The following ARL8A variants were observed in gnomAD, a reference collection of about 807,000 sequenced individuals.
The protein encoded by ARL8A is ADP-ribosylation factor-like protein 8A.
A neutral mutation model predicts 31.2 loss-of-function variants in ARL8A; 10 were observed. The ratio of observed to expected loss-of-function variants is 0.32; its 90% CI spans 0.20 to 0.54. The LOEUF (loss-of-function observed/expected upper bound fraction) is 0.54, where lower values mean the gene tolerates loss of function less well. Among genes scored for constraint, ARL8A ranks in the 20% least tolerant of loss-of-function variants. ARL8A has a pLI of 0.93. For missense variants in ARL8A, 129 were observed against 242.8 expected, an observed-to-expected ratio of 0.53 and a Z score of 3.12; for synonymous variants, 70 against 86.9, an observed-to-expected ratio of 0.81 and a Z score of 1.08.
In ARL8A at chr1:202,144,544, T is replaced by A; in HGVS notation, c.29A>T (p.Asp10Val). 1 of 1,453,504 alleles carries A rather than the reference T, an allele frequency of 6.9e-7. No homozygotes were observed. Among genetic ancestry groups the A allele is most frequent in the Non-Finnish European group, 9.2e-7 (1 of 1,083,322 alleles). The allele number at this position is 1,453,504 out of a possible 1,614,324, so 90.0% of individuals were successfully genotyped here. Residue 10 changes from aspartate to valine, a missense_variant, in exon 1 of 7, where the codon GAC becomes GTC. Physicochemically the swap from Asp to Val is radical, Grantham distance 152. Transcript: ENST00000272217. The surrounding 1 kb of genome is among the most constrained non-coding windows in gnomAD (Gnocchi z 5.2). MIALFNKLL[D>V]WFKALFWKEE... Reference sequence around the variant, plus strand: ...CTTCCAGAATAGGGCCTTGAACCAGTCCAGCAGCTTGTTGAACAAAGCGAT... The same window carrying A: ...CTTCCAGAATAGGGCCTTGAACCAGACCAGCAGCTTGTTGAACAAAGCGAT...
chr1:202,135,802 TG>T lies in ARL8A; in HGVS notation c.279-3del, dbSNP rs750430758. 3 of 1,613,216 alleles carry T rather than the reference TG, an allele frequency of 1.9e-6. No individual in the cohort carries two copies. The highest frequency in any genetic ancestry group is 1.7e-4 in the Middle Eastern group (1 of 6,060). Reference sequence around the variant, plus strand: ...TGGTCAGCAGCATCCACCATGTACCTGGGGAAAGAGGCAGGGTGGGGACAAG... The same window carrying T: ...TGGTCAGCAGCATCCACCATGTACCTGGGAAAGAGGCAGGGTGGGGACAAG... On this transcript the variant is annotated splice_polypyrimidine_tract_variant and splice_region_variant and intron_variant, in intron 3 of 6. Transcript: ENST00000272217. The surrounding 1 kb of genome is among the most constrained non-coding windows in gnomAD (Gnocchi z 5.3).
chr1:202,135,707 C>T lies in ARL8A; in HGVS notation c.372G>A (p.Pro124=), dbSNP rs1654987995. The change falls in exon 4 of 7, where the codon CCG becomes CCA. Residue 124 remains proline (P), a splice_region_variant and synonymous_variant. Coordinates refer to ENST00000272217, the MANE Select transcript of ARL8A (RefSeq NM_138795.4). The surrounding 1 kb of genome is among the most constrained non-coding windows in gnomAD (Gnocchi z 5.3). ...ATCCCGCTCCCTCAGGTCTGCTGAC[C>T]GGGATGCCCTGCAGCTGAGGTTTGT... ...LLDKPQLQGI[P]VLVLGNKRDL... is the part of the protein sequence containing the mutation. 2 of 1,613,602 alleles carry T rather than the reference C, an allele frequency of 1.2e-6. No homozygotes were observed. Among genetic ancestry groups the T allele is most frequent in the Non-Finnish European group, 1.7e-6 (2 of 1,179,558 alleles).
chr1:202,135,727 G>A lies in ARL8A; in HGVS notation c.352C>T (p.Pro118Ser), dbSNP rs1231127466. ...KNELHNLLDK[P>S]QLQGIPVLVL... ...CTGACCGGGATGCCCTGCAGCTGAG[G>A]TTTGTCCAGTAGGTTGTGGAGCTCG... The change falls in exon 4 of 7, where the codon CCT (proline) becomes TCT (serine). Residue 118 changes from proline (P) to serine (S), a missense_variant. Pro to Ser is a moderately conservative substitution (Grantham distance 74). Coordinates refer to ENST00000272217, the MANE Select transcript of ARL8A (RefSeq NM_138795.4). The surrounding 1 kb of genome is among the most constrained non-coding windows in gnomAD (Gnocchi z 5.3). The A allele has an allele frequency of 1.2e-6, 2 of 1,614,116 alleles. No individual in the cohort carries two copies. Among genetic ancestry groups the A allele is most frequent in the Non-Finnish European group, 1.7e-6 (2 of 1,179,984 alleles).
intron 1 of ARL8A, among the ~76,000 whole-genome samples, chr1:202,141,093 G>A (rs1301750820): frequency 6.6e-6 from 1 of 152,124 alleles, no homozygotes; most frequent in Non-Finnish European, 1.5e-5. Context: ...CCTTGGCAGA[G>A]GGGGATGCTG....
Position 202,144,696 on chromosome 1 carries a change from T to A in ARL8A, c.-124A>T. On this transcript the variant is annotated 5_prime_UTR_variant, in exon 1 of 7. Transcript: ENST00000272217. The surrounding 1 kb of genome is among the most constrained non-coding windows in gnomAD (Gnocchi z 5.2). ...CCCGCGGCTCGGTGCGGGCGGAGGC[T>A]CGAGCGCGGCTGCCGACGACTCGCT... is the stretch of plus-strand genomic sequence containing the variant. 1 of 1,006,910 alleles carries A rather than the reference T, an allele frequency of 9.9e-7. No homozygotes were observed. The highest frequency in any genetic ancestry group is 1.2e-6 in the Non-Finnish European group (1 of 834,216). The allele number at this position is 1,006,910 out of a possible 1,614,324, so 62.4% of individuals were successfully genotyped here. A position where few individuals can be genotyped will look rare whatever the true frequency, so the allele number is the denominator to read the frequency against.
At chr1:202,139,575 G>GAA (rs1010852838) in intron 1 of ARL8A, among the ~76,000 whole-genome samples, 4 of 109,614 alleles carry the variant, frequency 3.6e-5, no homozygotes, top group Non-Finnish European at 5.6e-5. Context: ...TCCGGCTTGA[G>GAA]AAAAAAAAAA....
Position 202,135,264 on chromosome 1 carries a change from A to AG in ARL8A, c.441-45dup, listed in dbSNP as rs776216851. On this transcript the variant is annotated intron_variant, in intron 5 of 6. Transcript: ENST00000272217. The surrounding 1 kb of genome is among the most constrained non-coding windows in gnomAD (Gnocchi z 5.3). ...GAGTCCGCTGAGGCTACGAACGTCC[A>AG]GGGGGCCTGGGGCTAGGGGACAGCG... is the stretch of plus-strand genomic sequence containing the variant. 5 of 1,584,598 alleles carry AG rather than the reference A, an allele frequency of 3.2e-6. 1 individual carries two copies. The highest frequency in any genetic ancestry group is 2.7e-5 in the African/African-American group (2 of 74,318).
intron 1 of ARL8A, among the ~76,000 whole-genome samples, chr1:202,141,827 A>G (rs576188374): frequency 6.6e-6 from 1 of 151,900 alleles, no homozygotes; most frequent in Non-Finnish European, 1.5e-5. Flanking sequence ...CCACTTTTCT[A>G]GCATCACAAC....
rs574136563 is a variant in ARL8A at position 202,139,082 on chromosome 1, A to G, written c.124-634T>C. Among the ~76,000 whole-genome samples the G allele has an allele frequency of 1.6e-4, 24 of 152,300 alleles. 1 individual carries two copies. In the South Asian group the frequency reaches 5.0e-3, roughly 32 times the overall value. The stretch of plus-strand genomic sequence containing the variant: ...GAGGACCCAGGTCTATAGTAACACC[A>G]TTAGTAAATGTTTGCTGAATACTGG... On this transcript the variant is annotated intron_variant, in intron 1 of 6. Transcript: ENST00000272217.
At position 202,141,505 on chromosome 1, in the gene ARL8A, G is replaced by C. The variant is rs377139861; in HGVS notation, c.123+2945C>G. 3.5e-4 allele frequency among the ~76,000 whole-genome samples: 54 copies of C among 152,126 alleles called. 1 individual carries two copies. The highest frequency in any genetic ancestry group is 1.3e-3 in the African/African-American group (54 of 41,514). On this transcript the variant is annotated intron_variant, in intron 1 of 6. Transcript: ENST00000272217. ...AAAAATACAAAAATTAGCCAGGCAT[G>C]GTGGTGTATGCCTGTAATCCCAGCT... is the stretch of plus-strand genomic sequence containing the variant.
chr1:202,135,195 C>G lies in ARL8A; in HGVS notation c.466G>C (p.Glu156Gln), dbSNP rs143346308. The G allele has an allele frequency of 1.2e-6, 2 of 1,614,062 alleles. No homozygotes were observed. The highest frequency in any genetic ancestry group is 1.7e-6 in the Non-Finnish European group (2 of 1,180,020). The change falls in exon 6 of 7, where the codon GAG becomes CAG. Residue 156 changes from glutamate (E) to glutamine (Q), a missense_variant. Transcript: ENST00000272217. This position sits in a 1 kb window ranked among gnomAD's most constrained non-coding sequence, Gnocchi z 5.3. ...KMNLSAIQDREICCYSISCKE... is the reference protein window; with the variant it reads ...KMNLSAIQDRQICCYSISCKE... ...CAAGAGATGGAGTAGCAGCAGATCT[C>G]TCGGTCCTGGATGGCAGACAGATTC...
chr1:202,138,072 T>A lies in ARL8A; in HGVS notation c.205-34A>T, dbSNP rs780416619. 1 of 1,612,762 alleles carries A rather than the reference T, an allele frequency of 6.2e-7. No homozygotes were observed. Among genetic ancestry groups the A allele is most frequent in the Non-Finnish European group, 8.5e-7 (1 of 1,179,244 alleles). On this transcript the variant is annotated intron_variant, in intron 2 of 6. Transcript: ENST00000272217. The surrounding 1 kb of genome is among the most constrained non-coding windows in gnomAD (Gnocchi z 4.4). ...GAAGAGGGTGAGATAGCCTCAGTAG[T>A]GGGCAGGCCACCAAAACGTGTCTTG...
chr1:202,135,294 C>CT lies in ARL8A; in HGVS notation c.441-75dup. On this transcript the variant is annotated intron_variant, in intron 5 of 6. Coordinates refer to ENST00000272217, the MANE Select transcript of ARL8A (RefSeq NM_138795.4). This position sits in a 1 kb window ranked among gnomAD's most constrained non-coding sequence, Gnocchi z 5.3. Reference sequence around the variant, plus strand: ...GCCTGGGGCTAGGGGACAGCGGGGCCTTTTTCTTACCTAAGAGGCTACAAA... The same window carrying CT: ...GCCTGGGGCTAGGGGACAGCGGGGCCTTTTTTCTTACCTAAGAGGCTACAAA... The CT allele has an allele frequency of 6.6e-7, 1 of 1,515,466 alleles. No homozygotes were observed. The highest frequency in any genetic ancestry group is 9.2e-7 in the Non-Finnish European group (1 of 1,091,260). The allele number at this position is 1,515,466 out of a possible 1,614,324, so 93.9% of individuals were successfully genotyped here.
At position 202,137,956 on chromosome 1, in the gene ARL8A, T is replaced by G. The variant is rs371014795; in HGVS notation, c.278+9A>C. 14 of 1,613,910 alleles carry G rather than the reference T, an allele frequency of 8.7e-6. No homozygotes were observed. Among genetic ancestry groups the G allele is most frequent in the Non-Finnish European group, 1.1e-5 (13 of 1,179,988 alleles). On this transcript the variant is annotated intron_variant, in intron 3 of 6. Transcript: ENST00000272217. ...GGCTGGAGTCTGGCGATGCCTCCCG[T>G]GTACTTACACGATGGCGCTCACTCC...
Position 202,144,683 on chromosome 1 carries a change from TGC to T in ARL8A, c.-113_-112del, listed in dbSNP as rs1655257792. Reference sequence around the variant, plus strand: ...GTACGGCCCGGGTCCCGCGGCTCGGTGCGGGCGGAGGCTCGAGCGCGGCTGCC... The same window carrying T: ...GTACGGCCCGGGTCCCGCGGCTCGGTGGGCGGAGGCTCGAGCGCGGCTGCC... On this transcript the variant is annotated 5_prime_UTR_variant, in exon 1 of 7. Coordinates refer to ENST00000272217, the MANE Select transcript of ARL8A (RefSeq NM_138795.4). This position sits in a 1 kb window ranked among gnomAD's most constrained non-coding sequence, Gnocchi z 5.2. 9.6e-7 allele frequency: 1 copy of T among 1,038,016 alleles called. No individual in the cohort carries two copies. Among genetic ancestry groups the T allele is most frequent in the Non-Finnish European group, 1.2e-6 (1 of 860,516 alleles). The allele number at this position is 1,038,016 out of a possible 1,614,324, so 64.3% of individuals were successfully genotyped here.
chr1:202,138,146 G>T lies in ARL8A; in HGVS notation c.205-108C>A. On this transcript the variant is annotated intron_variant, in intron 2 of 6. Coordinates refer to ENST00000272217, the MANE Select transcript of ARL8A (RefSeq NM_138795.4). This position sits in a 1 kb window ranked among gnomAD's most constrained non-coding sequence, Gnocchi z 4.4. ...CTGCCCTACTCTCCTCTGCCTCCCC[G>T]GCTTCCTCTCCAGTTCTCCCCCGTC... 1 of 1,337,824 alleles carries T rather than the reference G, an allele frequency of 7.5e-7. No homozygotes were observed. Among genetic ancestry groups the T allele is most frequent in the Non-Finnish European group, 1.1e-6 (1 of 950,546 alleles). The allele number at this position is 1,337,824 out of a possible 1,614,324, so 82.9% of individuals were successfully genotyped here.
In ARL8A at chr1:202,135,771, T is replaced by A; in HGVS notation, c.308A>T (p.Lys103Met). ...GAGCTCGTTCTTAGAGGCCTCAATC[T>A]TCTCCTGGTCAGCAGCATCCACCAT... ...VYMVDAADQE[K>M]IEASKNELHN... The change falls in exon 4 of 7, where the codon AAG becomes ATG. Residue 103 changes from lysine (K) to methionine (M), a missense_variant. Physicochemically the swap from Lys to Met is moderately conservative, Grantham distance 95 (BLOSUM62 -1). Coordinates refer to ENST00000272217, the MANE Select transcript of ARL8A (RefSeq NM_138795.4). This position sits in a 1 kb window ranked among gnomAD's most constrained non-coding sequence, Gnocchi z 5.3. 6.2e-7 allele frequency: 1 copy of A among 1,614,138 alleles called. No homozygotes were observed. Among genetic ancestry groups the A allele is most frequent in the Non-Finnish European group, 8.5e-7 (1 of 1,180,012 alleles).
Position 202,144,360 on chromosome 1 carries a change from G to C in ARL8A, c.123+90C>G. On this transcript the variant is annotated intron_variant, in intron 1 of 6. Coordinates refer to ENST00000272217, the MANE Select transcript of ARL8A (RefSeq NM_138795.4). This position sits in a 1 kb window ranked among gnomAD's most constrained non-coding sequence, Gnocchi z 5.2. Reference sequence around the variant, plus strand: ...CGGCCGTGCCCGGCTATGCCAGGCGGCGACCCCGGCTCAGCAGGGCGCGGC... The same window carrying C: ...CGGCCGTGCCCGGCTATGCCAGGCGCCGACCCCGGCTCAGCAGGGCGCGGC... 1.1e-6 allele frequency: 1 copy of C among 915,374 alleles called. No homozygotes were observed. The highest frequency in any genetic ancestry group is 1.3e-6 in the Non-Finnish European group (1 of 762,002). The allele number at this position is 915,374 out of a possible 1,614,324, so 56.7% of individuals were successfully genotyped here.
chr1:202,141,007 A>T (rs1471205169), intron 1 of ARL8A, among the ~76,000 whole-genome samples: 1 of 152,190 alleles, frequency 6.6e-6, no homozygotes, highest in Non-Finnish European at 1.5e-5. Flanking sequence ...AGCATGGGGA[A>T]CCATCACTGC....
Sources: allele counts gnomAD v4.1 joint callset (sites outside exome capture counted in the v4.1 genomes callset), GRCh38; gene constraint gnomAD v4.1.1; non-coding constraint Gnocchi (gnomAD v3.1); transcripts MANE v1.5; gene names NCBI Gene and HGNC (gene_info 2026-07-23, HGNC 2026-07-21).